SDK1: variants seen among roughly 807,000 people sequenced by gnomAD.
SDK1 encodes sidekick cell adhesion molecule 1, also known as protein sidekick-1.
SDK1 carries 157 observed loss-of-function variants against 245.5 expected under a neutral mutation model. That is an observed-to-expected ratio of 0.64 (90% CI 0.56 to 0.73). The LOEUF is 0.73. Among genes scored for constraint, SDK1 ranks in the 30% least tolerant of loss-of-function variants. The pLI, the probability that SDK1 is intolerant of heterozygous loss-of-function variation, is 0.00. For missense variants in SDK1, 3,583 were observed against 3,002.3 expected (o/e 1.19, Z -4.52); for synonymous variants, 1,647 against 1,278.5 (o/e 1.29, Z -6.15).
intron 1 of SDK1, among the ~76,000 whole-genome samples, chr7:3,546,338 C>T (rs1378584795): frequency 6.6e-6 from 1 of 152,216 alleles, no homozygotes; most frequent in Non-Finnish European, 1.5e-5. Flanking sequence ...GGTCTCTCGG[C>T]CCCTCTAATC....
At chr7:3,568,970 T>G (rs950015178) in intron 1 of SDK1, among the ~76,000 whole-genome samples, 1 of 151,792 alleles carries the variant, frequency 6.6e-6, no homozygotes, top group East Asian at 1.9e-4. Context: ...TAGTTTAAGT[T>G]CTCTAATTTA....
chr7:3,577,714 T>C (rs1272033801), intron 1 of SDK1, among the ~76,000 whole-genome samples: 2 of 152,066 alleles, frequency 1.3e-5, no homozygotes, highest in Non-Finnish European at 2.9e-5. Context: ...GCCCTTGAAG[T>C]GCTGTGAGGA....
intron 1 of SDK1, among the ~76,000 whole-genome samples, chr7:3,377,309 T>G (rs575922191): frequency 1.3e-4 from 20 of 152,286 alleles, no homozygotes; most frequent in African/African-American, 4.3e-4. Flanking sequence ...ATATCCATGT[T>G]TAACGATAAA....
intron 19 of SDK1, among the ~76,000 whole-genome samples, chr7:4,053,361 CT>C (rs1583959102): frequency 1.5e-5 from 2 of 137,042 alleles, no homozygotes; most frequent in East Asian, 3.9e-4. Flanking sequence ...GCTTGCCTCT[CT>C]CCCCTTTCCT....
intron 25 of SDK1, 50 bp from the exon 26 acceptor site, chr7:4,127,331 G>A (rs1784454656): frequency 7.4e-7 from 1 of 1,359,762 alleles, no homozygotes; most frequent in Admixed American, 1.7e-5. Flanking sequence ...ATCTTTGTAT[G>A]TAGACACTCT....
intron 5 of SDK1, among the ~76,000 whole-genome samples, chr7:3,917,273 T>A (rs938015769): frequency 1.3e-5 from 2 of 152,220 alleles, no homozygotes; most frequent in East Asian, 1.9e-4. Flanking sequence ...AAGTCAGCAT[T>A]CATTATGCAC....
At chr7:4,257,345 G>A (rs576307265) in intron 44 of SDK1, among the ~76,000 whole-genome samples, 5 of 152,254 alleles carry the variant, frequency 3.3e-5, no homozygotes, top group South Asian at 2.1e-4. Context: ...ACAGTTTCCC[G>A]GGAAACCGAC....
At chr7:3,894,484 A>G (rs151032561) in intron 5 of SDK1, among the ~76,000 whole-genome samples, 252 of 152,048 alleles carry the variant, frequency 1.7e-3, no homozygotes, top group Non-Finnish European at 3.2e-3. Flanking sequence ...GAAAGCCTCT[A>G]GGCTTTGCAG....
chr7:4,206,595 G>A (rs376826350), intron 36 of SDK1, among the ~76,000 whole-genome samples: 1 of 152,194 alleles, frequency 6.6e-6, no homozygotes, highest in South Asian at 2.1e-4. Context: ...AAGGCAGCAG[G>A]CCATGACAGG....
chr7:4,007,447 G>T (rs1303036614), intron 14 of SDK1, among the ~76,000 whole-genome samples: 2 of 152,092 alleles, frequency 1.3e-5, no homozygotes, highest in Non-Finnish European at 2.9e-5. Flanking sequence ...CAGGAGTCCC[G>T]AGGACAGAGC....
chr7:4,169,754 C>G (rs1334063605), intron 32 of SDK1, among the ~76,000 whole-genome samples: 3 of 152,192 alleles, frequency 2.0e-5, no homozygotes, highest in Non-Finnish European at 2.9e-5. Flanking sequence ...TGCAGCTTTT[C>G]AAGGAGCCAC....
At chr7:3,841,772 A>G (rs1780165222) in intron 5 of SDK1, among the ~76,000 whole-genome samples, 1 of 152,080 alleles carries the variant, frequency 6.6e-6, no homozygotes, top group Non-Finnish European at 1.5e-5. Flanking sequence ...TATGTTGGTC[A>G]GGCTGGTCTC....
chr7:3,669,506 C>G (rs757728488), intron 4 of SDK1, among the ~76,000 whole-genome samples: 5 of 136,916 alleles, frequency 3.7e-5, no homozygotes, highest in African/African-American at 6.0e-5. Flanking sequence ...TTTAACCACT[C>G]TCTTCTTTTG....
chr7:4,005,936 T>C (rs1361236940), intron 14 of SDK1, among the ~76,000 whole-genome samples: 3 of 149,570 alleles, frequency 2.0e-5, no homozygotes, highest in South Asian at 2.1e-4. Context: ...ATGGAATGTA[T>C]TGTGGGAGGT....
intron 4 of SDK1, among the ~76,000 whole-genome samples, chr7:3,801,370 C>G (rs1779102297): frequency 6.6e-6 from 1 of 152,146 alleles, no homozygotes; most frequent in Non-Finnish European, 1.5e-5. Flanking sequence ...TAATTAAAAG[C>G]ATGAATTCCC....
chr7:3,564,327 A>T (rs1037440663), intron 1 of SDK1, among the ~76,000 whole-genome samples: 20 of 152,086 alleles, frequency 1.3e-4, no homozygotes, highest in African/African-American at 3.4e-4. Flanking sequence ...GAAAGAAAAG[A>T]GAAGCTAAAA....
intron 1 of SDK1, among the ~76,000 whole-genome samples, chr7:3,473,004 C>T (rs1781231792): frequency 6.6e-6 from 1 of 152,146 alleles, no homozygotes; most frequent in Non-Finnish European, 1.5e-5. Context: ...CTTCTTTTTC[C>T]CCATTTTCCT....
At chr7:4,234,393 G>C (rs954803895) in intron 41 of SDK1, among the ~76,000 whole-genome samples, 11 of 152,192 alleles carry the variant, frequency 7.2e-5, no homozygotes, top group African/African-American at 2.7e-4. Context: ...TTAGATGACA[G>C]ACATGTCTGC....
At position 3,385,362 on chromosome 7, in the gene SDK1, C is replaced by CAT. The variant is rs563175217; in HGVS notation, c.298+83486_298+83487dup. On this transcript the variant is annotated intron_variant, in intron 1 of 44. Transcript: ENST00000404826. ...CAAATGTAACTTAACATTTCCATTT[C>CAT]ATATATATAGGGGAAGAAAATTCCC... is the stretch of plus-strand genomic sequence containing the variant. Among the ~76,000 whole-genome samples the CAT allele has an allele frequency of 6.9e-3, 1,056 of 152,160 alleles. 14 individuals carry two copies. Among genetic ancestry groups the CAT allele is most frequent in the African/African-American group, 0.024 (1,013 of 41,504 alleles).
Sources: allele counts gnomAD v4.1 joint callset (sites outside exome capture counted in the v4.1 genomes callset), GRCh38; gene constraint gnomAD v4.1.1; transcripts MANE v1.5; gene names NCBI Gene and HGNC (gene_info 2026-07-23, HGNC 2026-07-21).